Variants in BAZ1A observed in about 807,000 individuals in gnomAD.
The protein encoded by BAZ1A is bromodomain adjacent to zinc finger domain protein 1A.
Under a neutral mutation model 185.2 loss-of-function variants are expected in BAZ1A, and 50 were observed. That is an observed-to-expected ratio of 0.27 (90% CI 0.22 to 0.34). The LOEUF (loss-of-function observed/expected upper bound fraction) is 0.34. Among genes scored for constraint, BAZ1A ranks in the 10% least tolerant of loss-of-function variants. The pLI is 1.00. For missense variants in BAZ1A, 1,356 were observed against 1,839.9 expected (o/e 0.74, Z 4.81); for synonymous variants, 571 against 615.6 (o/e 0.93, Z 1.07).
chr14:34,843,046 A>AT (rs2042442408), intron 3 of BAZ1A, among the ~76,000 whole-genome samples: 1 of 151,906 alleles, frequency 6.6e-6, no homozygotes, highest in South Asian at 2.1e-4. Flanking sequence ...GTAGTCTTGT[A>AT]TTCATCTCCC....
In BAZ1A at chr14:34,765,247, G is replaced by A. The variant is rs1175232009; in HGVS notation, c.3323C>T (p.Ser1108Phe). The A allele has an allele frequency of 2.5e-6, 4 of 1,613,826 alleles. No individual in the cohort carries two copies. The highest frequency in any genetic ancestry group is 1.3e-5 in the African/African-American group (1 of 75,036). Reference protein sequence around the residue: ...APLDASDSGRSYKTVLDRWRE... With the variant: ...APLDASDSGRFYKTVLDRWRE... ...CCAACGGTCCAGAACTGTTTTATAA[G>A]AACGCCCACTGTCACTGGCATCTTA... The change falls in exon 22 of 27, where the codon TCT (serine) becomes TTT (phenylalanine). Residue 1108 changes from serine to phenylalanine, a missense_variant. Ser to Phe is a radical substitution (Grantham distance 155). Around this residue, in one of 7 missense-constraint regions of BAZ1A, gnomAD observed 434 missense variants for 561.7 expected, o/e 0.77. Coordinates refer to ENST00000360310, the MANE Select transcript of BAZ1A (RefSeq NM_013448.3).
intron 18 of BAZ1A, among the ~76,000 whole-genome samples, chr14:34,775,546 G>C (rs549286965): frequency 1.4e-4 from 22 of 152,164 alleles, no homozygotes; most frequent in Non-Finnish European, 2.8e-4. Flanking sequence ...CTTCTCCCTA[G>C]ACTCTCAGCC....
At chr14:34,799,725 C>A (rs1881400843) in intron 9 of BAZ1A, among the ~76,000 whole-genome samples, 1 of 151,956 alleles carries the variant, frequency 6.6e-6, no homozygotes, top group Non-Finnish European at 1.5e-5. Flanking sequence ...GATTCTCCTG[C>A]CTCAGCCTCC....
intron 4 of BAZ1A, among the ~76,000 whole-genome samples, chr14:34,824,049 T>C (rs1049589491): frequency 9.9e-5 from 15 of 151,884 alleles, no homozygotes; most frequent in African/African-American, 3.6e-4. Flanking sequence ...CATGGACAAG[T>C]AATACAGTAA....
At chr14:34,873,032 T>TTAAAA (rs2042977913) in intron 2 of BAZ1A, among the ~76,000 whole-genome samples, 8 of 151,622 alleles carry the variant, frequency 5.3e-5, no homozygotes, top group Non-Finnish European at 1.2e-4. Context: ...CAGAGCGAGA[T>TTAAAA]GTGCACTCCT....
At position 34,775,914 on chromosome 14, in the gene BAZ1A, T is replaced by C. The variant is rs577765729; in HGVS notation, c.2833+5A>G. ...AAGTAAAAACAATTTTCATTGAAAA[T>C]TTACCTGAAAAATGAAATTTCTCTT... On this transcript the variant is annotated splice_donor_5th_base_variant and intron_variant, in intron 18 of 26. Transcript: ENST00000360310. 6 of 1,561,528 alleles carry C rather than the reference T, an allele frequency of 3.8e-6. No individual in the cohort carries two copies. The East Asian group carries it at 1.1e-4, about 29-fold the overall frequency.
intron 3 of BAZ1A, among the ~76,000 whole-genome samples, chr14:34,861,590 A>G (rs1388114986): frequency 6.6e-6 from 1 of 152,228 alleles, no homozygotes; most frequent in Non-Finnish European, 1.5e-5. Context: ...AGGTGACATA[A>G]TGAGGACACA....
rs60954768 is a variant in BAZ1A, at chr14:34,839,839, C to CAAAAAAAAAAAA, written c.393-13695_393-13684dup. On this transcript the variant is annotated intron_variant, in intron 3 of 26. Coordinates refer to ENST00000360310, the MANE Select transcript of BAZ1A (RefSeq NM_013448.3). ...TGGGCGACAAAGCGAGCCTCTGTTT[C>CAAAAAAAAAAAA]AAAAAAAAAAAAAAAAAAGGAAAAA... 5.7e-3 allele frequency among the ~76,000 whole-genome samples: 610 copies of CAAAAAAAAAAAA among 106,252 alleles called. 2 individuals are homozygous for CAAAAAAAAAAAA. The highest frequency in any genetic ancestry group is 0.011 in the Middle Eastern group (2 of 174). 69.7% of individuals were successfully genotyped at this position (106,252 alleles called of 152,430 possible).
At position 34,754,956 on chromosome 14, in the gene BAZ1A, A is replaced by G. The variant is rs747665110; in HGVS notation, c.4387-42T>C. The stretch of plus-strand genomic sequence containing the variant: ...ATATCTCTGTCCACACAGAAAACTT[A>G]ACTGGAAAGAAGTGTTCAAATAACT... On this transcript the variant is annotated intron_variant, in intron 25 of 26. Transcript: ENST00000360310. The G allele has an allele frequency of 1.7e-5, 24 of 1,452,708 alleles. No individual in the cohort carries two copies. In the East Asian group the frequency reaches 4.1e-4, roughly 25 times the overall value. 90.0% of individuals were successfully genotyped at this position (1,452,708 alleles called of 1,614,324 possible).
intron 21 of BAZ1A, chr14:34,771,026 G>C (rs1047260218): frequency 6.6e-6 from 1 of 152,142 alleles, no homozygotes; most frequent in African/African-American, 2.4e-5. Flanking sequence ...TAAAGAGACA[G>C]GGTCTTACTC....
At chr14:34,782,556 T>G (rs557930608) in intron 16 of BAZ1A, among the ~76,000 whole-genome samples, 1 of 152,314 alleles carries the variant, frequency 6.6e-6, no homozygotes, top group South Asian at 2.1e-4. Context: ...ATCAGATATA[T>G]GATTTGCAAA....
chr14:34,783,137 G>A lies in BAZ1A; in HGVS notation c.2093C>T (p.Thr698Met), dbSNP rs550657862. ...KLKEDEQRNS[T>M]ADISIGEEER... ...ACCATACCCAATAGATATATCTGCC[G>A]TTGAATTTCTTTGCTCATCTTCTTT... Residue 698 changes from threonine (T) to methionine (M), a missense_variant, in exon 16 of 27, where the codon ACG becomes ATG. Physicochemically the swap from Thr to Met is moderately conservative, Grantham distance 81. Around this residue, in one of 7 missense-constraint regions of BAZ1A, gnomAD observed 434 missense variants for 561.7 expected, o/e 0.77. Transcript: ENST00000360310. 61 of 1,605,556 alleles carry A rather than the reference G, an allele frequency of 3.8e-5. No individual in the cohort carries two copies. The South Asian group carries it at 4.8e-4, about 13-fold the overall frequency.
At chr14:34,755,074 TAGATGTGTCTATAC>T (rs570182292) in intron 25 of BAZ1A, among the ~76,000 whole-genome samples, 160 bp from the exon 26 acceptor site, 19 of 152,256 alleles carry the variant, frequency 1.2e-4, no homozygotes, top group African/African-American at 4.6e-4. Flanking sequence ...TATGTCTATA[TAGATGTGTCTATAC>T]AGATATATAT....
intron 2 of BAZ1A, among the ~76,000 whole-genome samples, chr14:34,872,933 A>AAC (rs1185974306): frequency 1.6e-5 from 2 of 124,328 alleles, no homozygotes; most frequent in Non-Finnish European, 3.7e-5. Flanking sequence ...AAAAAAAAAA[A>AAC]AAAAAAAACT....
At chr14:34,754,752 AAAAAT>A in intron 26 of BAZ1A, 70 bp downstream of exon 26, 1 of 1,074,184 alleles carries the variant, frequency 9.3e-7, no homozygotes. Flanking sequence ...CTCTTTAAAC[AAAAAT>A]AAATATCAAA....
chr14:34,856,864 A>C (rs1431657550), intron 3 of BAZ1A, among the ~76,000 whole-genome samples: 2 of 144,780 alleles, frequency 1.4e-5, no homozygotes, highest in Non-Finnish European at 3.0e-5. Context: ...GGTCTCAAAA[A>C]AAAAAAAAAA....
intron 6 of BAZ1A, among the ~76,000 whole-genome samples, chr14:34,804,549 C>T (rs899841917): frequency 1.3e-5 from 2 of 152,024 alleles, no homozygotes; most frequent in Non-Finnish European, 2.9e-5. Context: ...TGGAATTCCA[C>T]CAGTTCTGGC....
At chr14:34,829,867 C>T (rs962912574) in intron 3 of BAZ1A, among the ~76,000 whole-genome samples, 11 of 152,128 alleles carry the variant, frequency 7.2e-5, no homozygotes, top group African/African-American at 2.7e-4. Context: ...TATAGTGATT[C>T]CCCCAAAGTG....
At chr14:34,872,929 A>AC (rs912365468) in intron 2 of BAZ1A, among the ~76,000 whole-genome samples, 1 of 147,390 alleles carries the variant, frequency 6.8e-6, no homozygotes, top group Non-Finnish European at 1.5e-5. Flanking sequence ...AAAAAAAAAA[A>AC]AAAAAAAAAA....
Sources: allele counts gnomAD v4.1 joint callset (sites outside exome capture counted in the v4.1 genomes callset), GRCh38; gene constraint gnomAD v4.1.1; regional missense constraint gnomAD v4.1.1; transcripts MANE v1.5; gene names NCBI Gene and HGNC (gene_info 2026-07-23, HGNC 2026-07-21).